The following DACH1 variants were observed in gnomAD, a reference collection of about 807,000 sequenced individuals.
The protein encoded by DACH1 is dachshund homolog 1.
A neutral mutation model predicts 54.2 loss-of-function variants in DACH1; 12 were observed. That is an observed-to-expected ratio of 0.22 (90% CI 0.14 to 0.36). DACH1 has a LOEUF of 0.36. Among genes scored for constraint, DACH1 ranks in the 10% least tolerant of loss-of-function variants. The pLI is 1.00. For missense variants in DACH1, 805 were observed against 929.8 expected, an observed-to-expected ratio of 0.87 and a Z score of 1.75; for synonymous variants, 386 against 366.2, an observed-to-expected ratio of 1.05 and a Z score of -0.62.
At chr13:71,564,898 A>T (rs1417007577) in intron 4 of DACH1, among the ~76,000 whole-genome samples, 2 of 152,018 alleles carry the variant, frequency 1.3e-5, no homozygotes, top group East Asian at 3.9e-4. Context: ...GTGGGAAAAC[A>T]ATTTGTAATA....
At chr13:71,770,547 G>A (rs1004948912) in intron 1 of DACH1, among the ~76,000 whole-genome samples, 10 of 151,522 alleles carry the variant, frequency 6.6e-5, no homozygotes, top group East Asian at 1.9e-4. Flanking sequence ...AGGAAAGAAC[G>A]CATTTAAAGA....
chr13:71,773,362 TAA>T (rs1228366134), intron 1 of DACH1, among the ~76,000 whole-genome samples: 1 of 151,936 alleles, frequency 6.6e-6, no homozygotes, highest in African/African-American at 2.4e-5. Flanking sequence ...AAATTTGGCA[TAA>T]GTCTTTTGAG....
At chr13:71,790,495 G>A (rs1196054369) in intron 1 of DACH1, among the ~76,000 whole-genome samples, 2 of 152,048 alleles carry the variant, frequency 1.3e-5, no homozygotes, top group African/African-American at 2.4e-5. Context: ...GGGATGTGGA[G>A]GTTTAATAAA....
At chr13:71,610,653 A>G (rs1451075419) in intron 3 of DACH1, among the ~76,000 whole-genome samples, 1 of 152,194 alleles carries the variant, frequency 6.6e-6, no homozygotes, top group Non-Finnish European at 1.5e-5. Context: ...TTTTCCATAT[A>G]TACATTTTCT....
chr13:71,463,808 A>ATGTC (rs1876319728), intron 10 of DACH1, among the ~76,000 whole-genome samples: 1 of 151,878 alleles, frequency 6.6e-6, no homozygotes, highest in Admixed American at 6.6e-5. Context: ...CCTTTCCCTT[A>ATGTC]TGTCTTTTTA....
At chr13:71,864,620 C>G (rs1440435172) in intron 1 of DACH1, among the ~76,000 whole-genome samples, 1 of 152,178 alleles carries the variant, frequency 6.6e-6, no homozygotes, top group Non-Finnish European at 1.5e-5. Flanking sequence ...TATTTTCTTT[C>G]TCCCGGAATC....
At chr13:71,673,498 A>G (rs1880333655) in intron 2 of DACH1, among the ~76,000 whole-genome samples, 1 of 152,154 alleles carries the variant, frequency 6.6e-6, no homozygotes, top group Non-Finnish European at 1.5e-5. Context: ...AAAGGATTAT[A>G]TAATATAGTA....
At chr13:71,612,142 T>C (rs537602308) in intron 3 of DACH1, among the ~76,000 whole-genome samples, 1 of 152,274 alleles carries the variant, frequency 6.6e-6, no homozygotes, top group Admixed American at 6.5e-5. Context: ...AATTTTATTT[T>C]ACATTCTCCA....
chr13:71,479,305 T>C lies in DACH1; in HGVS notation c.1734A>G (p.Lys578=), dbSNP rs751549745. The C allele has an allele frequency of 1.6e-5, 26 of 1,613,360 alleles. No individual in the cohort carries two copies. In the East Asian group the frequency reaches 5.8e-4, roughly 36 times the overall value. The change falls in exon 8 of 11, where the codon AAA becomes AAG. Residue 578 remains lysine, a synonymous_variant. Transcript: ENST00000613252. ...TLLTNIQGLL[K]VAIDNARAQE... ...GAGCTCTGGCATTATCTATGGCAAC[T>C]TTCAACAGCCCCTGTACAAAGAAGA...
chr13:71,448,007 G>T (rs774810709), intron 10 of DACH1, among the ~76,000 whole-genome samples: 2 of 152,152 alleles, frequency 1.3e-5, no homozygotes, highest in Non-Finnish European at 2.9e-5. Context: ...TCCAGTTTTG[G>T]GAAGAACTCC....
At chr13:71,603,145 G>A (rs977298042) in intron 3 of DACH1, among the ~76,000 whole-genome samples, 20 of 151,828 alleles carry the variant, frequency 1.3e-4, no homozygotes, top group Admixed American at 9.2e-4. Flanking sequence ...CACCACAATC[G>A]TTGCTTTTTT....
At chr13:71,794,899 A>G (rs12429723) in intron 1 of DACH1, among the ~76,000 whole-genome samples, 1 of 152,224 alleles carries the variant, frequency 6.6e-6, no homozygotes, top group Non-Finnish European at 1.5e-5. Context: ...TTTATAGAGT[A>G]CAAGATCTTA....
chr13:71,674,440 TAC>T (rs57078245), intron 2 of DACH1, among the ~76,000 whole-genome samples: 7,563 of 140,972 alleles, frequency 0.054, 227 homozygotes, highest in South Asian at 0.093. Context: ...AGGGAGATTT[TAC>T]ACACACACAC....
intron 1 of DACH1, among the ~76,000 whole-genome samples, chr13:71,695,098 C>T (rs1470162166): frequency 6.6e-6 from 1 of 152,146 alleles, no homozygotes; most frequent in Non-Finnish European, 1.5e-5. Flanking sequence ...AAGACAACAG[C>T]TATGACATTT....
At chr13:71,594,976 T>G (rs1873991313) in intron 3 of DACH1, among the ~76,000 whole-genome samples, 1 of 152,024 alleles carries the variant, frequency 6.6e-6, no homozygotes, top group East Asian at 1.9e-4. Context: ...TTAAGGGCTG[T>G]GGAGAAAAAT....
At chr13:71,791,272 C>T (rs557636947) in intron 1 of DACH1, among the ~76,000 whole-genome samples, 52 of 152,280 alleles carry the variant, frequency 3.4e-4, no homozygotes, top group Middle Eastern at 6.8e-3. Flanking sequence ...CAATGATTTA[C>T]ACTAAATGAA....
At chr13:71,458,282 A>G (rs1875762349) in intron 10 of DACH1, among the ~76,000 whole-genome samples, 1 of 151,832 alleles carries the variant, frequency 6.6e-6, no homozygotes, top group Non-Finnish European at 1.5e-5. Flanking sequence ...AATCATATTT[A>G]TTTATTTCCT....
At chr13:71,743,830 T>A (rs192470595) in intron 1 of DACH1, among the ~76,000 whole-genome samples, 9 of 152,330 alleles carry the variant, frequency 5.9e-5, no homozygotes, top group Admixed American at 5.9e-4. Context: ...ATAAAATGAC[T>A]GAATCCCTTT....
At chr13:71,744,765 A>C (rs189542293) in intron 1 of DACH1, among the ~76,000 whole-genome samples, 1 of 152,354 alleles carries the variant, frequency 6.6e-6, no homozygotes, top group African/African-American at 2.4e-5. Flanking sequence ...TCCATACAAA[A>C]AGGAAAGGAA....
Sources: allele counts gnomAD v4.1 joint callset (sites outside exome capture counted in the v4.1 genomes callset), GRCh38; gene constraint gnomAD v4.1.1; transcripts MANE v1.5; gene names NCBI Gene and HGNC (gene_info 2026-07-23, HGNC 2026-07-21).